COG3: variants seen among roughly 807,000 people sequenced by gnomAD.
The protein encoded by COG3 is conserved oligomeric Golgi complex subunit 3.
COG3 carries 32 observed loss-of-function variants against 114.1 expected under a neutral mutation model. The observed-to-expected ratio is 0.28, with a 90% confidence interval of 0.21 to 0.38. The LOEUF is 0.38. COG3 is among the 10% of genes least tolerant of loss of function. COG3 has a pLI of 1.00. For missense variants in COG3, 813 were observed against 973.2 expected (o/e 0.84, Z 2.19); for synonymous variants, 352 against 365.7 (o/e 0.96, Z 0.43).
At chr13:45,534,249 T>C (rs1300682568) in intron 22 of COG3, among the ~76,000 whole-genome samples, 1 of 152,188 alleles carries the variant, frequency 6.6e-6, no homozygotes, top group Admixed American at 6.5e-5. Context: ...ATTATGGAGG[T>C]ATGTTTCTGT....
chr13:45,534,561 T>G, intron 22 of COG3, 141 bp from the exon 23 acceptor site: 1 of 472,312 alleles, frequency 2.1e-6, no homozygotes, highest in Non-Finnish European at 3.8e-6. Flanking sequence ...ATTCAAGGGG[T>G]ACATACATGC....
At chr13:45,489,802 A>G (rs546514603) in intron 8 of COG3, among the ~76,000 whole-genome samples, 91 of 140,002 alleles carry the variant, frequency 6.5e-4, no homozygotes, top group Non-Finnish European at 8.6e-4. Context: ...ATGTACTCCT[A>G]GCAAAAATTC....
chr13:45,480,444 C>T (rs1408901091), intron 4 of COG3, among the ~76,000 whole-genome samples, 154 bp downstream of exon 4: 1 of 152,190 alleles, frequency 6.6e-6, no homozygotes, highest in East Asian at 1.9e-4. Context: ...ACACTGACAG[C>T]CTACTTTTTA....
chr13:45,487,520 A>G (rs1886742866), intron 8 of COG3, among the ~76,000 whole-genome samples: 1 of 152,268 alleles, frequency 6.6e-6, no homozygotes, highest in African/African-American at 2.4e-5. Flanking sequence ...TTCAGAATAT[A>G]CAAGGAACTT....
chr13:45,525,634 G>GTTTTTGTTTTTTTTTTTT (rs1872594644), intron 20 of COG3, among the ~76,000 whole-genome samples: 1 of 56,632 alleles, frequency 1.8e-5, no homozygotes, highest in Non-Finnish European at 3.0e-5. Flanking sequence ...AGGGCTTTGG[G>GTTTTTGTTTTTTTTTTTT]TTTTTTTTTT....
chr13:45,467,222 G>C (rs1196725775), intron 1 of COG3, among the ~76,000 whole-genome samples: 1 of 152,208 alleles, frequency 6.6e-6, no homozygotes, highest in African/African-American at 2.4e-5. Context: ...CATGGGTAGA[G>C]GATGAGCTTA....
chr13:45,516,298 GT>G, intron 17 of COG3, 35 bp downstream of exon 17: 2 of 1,543,618 alleles, frequency 1.3e-6, no homozygotes, highest in Non-Finnish European at 8.8e-7. Flanking sequence ...ACTTGGGTGT[GT>G]TTGATCTGTC....
intron 1 of COG3, among the ~76,000 whole-genome samples, chr13:45,468,602 A>G (rs1251101603): frequency 6.6e-6 from 1 of 152,184 alleles, no homozygotes; most frequent in African/African-American, 2.4e-5. Flanking sequence ...CCAACCCAGA[A>G]CTCTGCAAGA....
At chr13:45,476,485 G>A in intron 2 of COG3, 138 bp downstream of exon 2, 1 of 873,844 alleles carries the variant, frequency 1.1e-6, no homozygotes, top group Admixed American at 2.7e-5. Context: ...TCTTGATTTT[G>A]CATTAGTTGT....
At position 45,529,808 on chromosome 13, in the gene COG3, G is replaced by A; in HGVS notation, c.2248G>A (p.Ala750Thr). 6.2e-7 allele frequency: 1 copy of A among 1,611,318 alleles called. No individual in the cohort carries two copies. Among genetic ancestry groups the A allele is most frequent in the Non-Finnish European group, 8.5e-7 (1 of 1,177,980 alleles). ...WAQPAKVNDL[A>T]ATAYKTIKTK... ...ATTTCCAGCAAAGGTCAATGACCTT[G>A]CGGCAACTGCATATAAGACAATAAA... is the stretch of plus-strand genomic sequence containing the variant. Residue 750 changes from alanine to threonine, a missense_variant, in exon 21 of 23, where the codon GCG becomes ACG. By Grantham distance (58) the Ala-to-Thr change is moderately conservative (BLOSUM62 0). This residue lies in a region of COG3 where 389 missense variants were observed against 542.6 expected (regional missense o/e 0.72). Transcript: ENST00000349995.
chr13:45,523,180 A>G (rs980326653), intron 19 of COG3, among the ~76,000 whole-genome samples: 4 of 150,402 alleles, frequency 2.7e-5, no homozygotes, highest in Admixed American at 6.6e-5. Flanking sequence ...GGACCAATTT[A>G]TGCTAAAAAC....
rs371367623 is a variant in COG3, at chr13:45,534,767, T to C, written c.*36T>C. On this transcript the variant is annotated 3_prime_UTR_variant, in exon 23 of 23. Transcript: ENST00000349995. Reference sequence around the variant, plus strand: ...CGGGCTGTGCACCTAAATGTCTGTCTGGGAGGAGCAGGCTGAGAAGTCTTG... The same window carrying C: ...CGGGCTGTGCACCTAAATGTCTGTCCGGGAGGAGCAGGCTGAGAAGTCTTG... 1.2e-4 allele frequency: 190 copies of C among 1,545,678 alleles called. No individual in the cohort carries two copies. The highest frequency in any genetic ancestry group is 1.5e-4 in the Non-Finnish European group (176 of 1,145,566).
At chr13:45,468,975 A>C (rs1402873330) in intron 1 of COG3, among the ~76,000 whole-genome samples, 3 of 152,192 alleles carry the variant, frequency 2.0e-5, no homozygotes, top group Non-Finnish European at 4.4e-5. Context: ...TGCCTAGTCT[A>C]CTTAATGGGG....
intron 19 of COG3, among the ~76,000 whole-genome samples, chr13:45,522,540 A>G (rs1359528637): frequency 6.6e-6 from 1 of 152,174 alleles, no homozygotes; most frequent in Non-Finnish European, 1.5e-5. Flanking sequence ...TTGAGTATTC[A>G]TGAGATAAGC....
rs1555295083 is a variant in COG3 at position 45,486,339 on chromosome 13, C to CGGGAGACGGGAGA, written c.844-150_844-149insCGGGAGAGGGAGA. Reference sequence around the variant, plus strand: ...GAGACGGGAGACGGGAGACGGGAGACGGGAGAGGGAGAGGGAGAGGGAGAG... The same window carrying CGGGAGACGGGAGA: ...GAGACGGGAGACGGGAGACGGGAGACGGGAGACGGGAGAGGGAGAGGGAGAGGGAGAGGGAGAG... On this transcript the variant is annotated intron_variant, in intron 7 of 22. Transcript: ENST00000349995. 2.6e-3 allele frequency among the ~76,000 whole-genome samples: 144 copies of CGGGAGACGGGAGA among 55,184 alleles called. 1 individual carries two copies. The highest frequency in any genetic ancestry group is 3.3e-3 in the Non-Finnish European group (107 of 32,740). 36.2% of individuals were successfully genotyped at this position (55,184 alleles called of 152,430 possible).
intron 1 of COG3, 174 bp downstream of exon 1, chr13:45,465,384 C>A: frequency 9.0e-7 from 1 of 1,113,016 alleles, no homozygotes; most frequent in Non-Finnish European, 1.2e-6. Context: ...AGGCTTCGCT[C>A]TGCCTGCGAC....
At chr13:45,513,424 T>TAC (rs1871164274) in intron 16 of COG3, among the ~76,000 whole-genome samples, 4 of 85,722 alleles carry the variant, frequency 4.7e-5, no homozygotes, top group Non-Finnish European at 6.3e-5. Flanking sequence ...ATATAAATTA[T>TAC]ATATATAATA....
intron 22 of COG3, among the ~76,000 whole-genome samples, chr13:45,533,812 GTGT>G (rs1411610438): frequency 6.6e-6 from 1 of 152,204 alleles, no homozygotes; most frequent in Non-Finnish European, 1.5e-5. Context: ...TCTCCATTTG[GTGT>G]TGTCTCTTTC....
chr13:45,533,352 G>T (rs1873335658), intron 22 of COG3, among the ~76,000 whole-genome samples: 1 of 152,138 alleles, frequency 6.6e-6, no homozygotes, highest in East Asian at 1.9e-4. Flanking sequence ...TACAGAAAAG[G>T]TGCAAGAATA....
Sources: allele counts gnomAD v4.1 joint callset (sites outside exome capture counted in the v4.1 genomes callset), GRCh38; gene constraint gnomAD v4.1.1; regional missense constraint gnomAD v4.1.1; transcripts MANE v1.5; gene names NCBI Gene and HGNC (gene_info 2026-07-23, HGNC 2026-07-21).